VPS13D: variants seen among roughly 807,000 people sequenced by gnomAD.
The protein encoded by VPS13D is vacuolar protein sorting 13 homolog D, also known as intermembrane lipid transfer protein VPS13D.
Under a neutral mutation model 461.9 loss-of-function variants are expected in VPS13D, and 187 were observed. The observed-to-expected ratio is 0.40, with a 90% CI of 0.36 to 0.46. The LOEUF (loss-of-function observed/expected upper bound fraction) is 0.46. VPS13D is among the 20% of genes least tolerant of loss of function. VPS13D has a pLI of 0.60. For missense variants in VPS13D, 4,711 were observed against 5,364.9 expected (o/e 0.88, Z 3.81); for synonymous variants, 1,951 against 1,986.3 (o/e 0.98, Z 0.47).
At chr1:12,365,739 T>C (rs1485282863) in intron 52 of VPS13D, among the ~76,000 whole-genome samples, 1 of 152,104 alleles carries the variant, frequency 6.6e-6, no homozygotes, top group African/African-American at 2.4e-5. Context: ...TCAAATGCTT[T>C]TGAAGTTAAA....
intron 67 of VPS13D, among the ~76,000 whole-genome samples, chr1:12,470,184 T>A (rs1425653992): frequency 1.3e-5 from 2 of 152,200 alleles, no homozygotes; most frequent in Non-Finnish European, 2.9e-5. Flanking sequence ...GCAGGAGACT[T>A]CAAAGGGGAG....
rs762661990 is a variant in VPS13D, at chr1:12,279,493, T to C, written c.4451-6T>C. ...ATGGTCTATCATTTCATCTCTTTTA[T>C]GCCAGCTTTTCACATCCTGAACAAC... On this transcript the variant is annotated splice_polypyrimidine_tract_variant and splice_region_variant and intron_variant, in intron 19 of 69. Coordinates refer to ENST00000620676, the MANE Select transcript of VPS13D (RefSeq NM_015378.4). This position sits in a 1 kb window ranked among gnomAD's most constrained non-coding sequence, Gnocchi z 4.3. 1.9e-6 allele frequency: 3 copies of C among 1,586,342 alleles called. No individual in the cohort carries two copies. Among genetic ancestry groups the C allele is most frequent in the Non-Finnish European group, 2.6e-6 (3 of 1,161,182 alleles).
chr1:12,395,126 C>T (rs1443809893), intron 60 of VPS13D, among the ~76,000 whole-genome samples: 1 of 152,146 alleles, frequency 6.6e-6, no homozygotes, highest in Non-Finnish European at 1.5e-5. Flanking sequence ...GGAGAATCAA[C>T]ATTACTTTGC....
intron 67 of VPS13D, among the ~76,000 whole-genome samples, chr1:12,483,981 A>T (rs1252984977): frequency 1.3e-5 from 2 of 150,740 alleles, no homozygotes; most frequent in Non-Finnish European, 3.0e-5. Context: ...TGGGCAACAG[A>T]GTGGGACTCC....
chr1:12,263,042 A>G (rs1557671864), intron 13 of VPS13D, among the ~76,000 whole-genome samples: 1 of 151,340 alleles, frequency 6.6e-6, no homozygotes, highest in Admixed American at 6.6e-5. Context: ...GTTTATCATA[A>G]CTCCATCCTA....
intron 37 of VPS13D, among the ~76,000 whole-genome samples, chr1:12,330,157 G>A (rs936205373): frequency 3.9e-5 from 6 of 152,210 alleles, no homozygotes; most frequent in South Asian, 2.1e-4. Context: ...GCTCACGCCT[G>A]TAATCCCAGC....
At chr1:12,321,014 GA>G (rs1426837016) in intron 32 of VPS13D, among the ~76,000 whole-genome samples, 1 of 152,208 alleles carries the variant, frequency 6.6e-6, no homozygotes, top group Non-Finnish European at 1.5e-5. Context: ...AGGGGGTGAA[GA>G]GGGTAAGAAG....
Position 12,244,332 on chromosome 1 carries a change from A to G in VPS13D, c.262A>G (p.Ile88Val). ...GATCTCCATCTCCAGCCTTCACTTA[A>G]TTGGAGCCCCAGAGAAAATACAGGA... ...WVISISSLHL[I>V]GAPEKIQDFN... The change falls in exon 4 of 70, where the codon ATT (isoleucine) becomes GTT (valine). Residue 88 changes from isoleucine (I) to valine (V), a missense_variant. Ile to Val is a conservative substitution (Grantham distance 29). Around this residue, in one of 3 missense-constraint regions of VPS13D, gnomAD observed 4,411 missense variants for 4,937.8 expected, o/e 0.89. Transcript: ENST00000620676. The G allele has an allele frequency of 3.1e-6, 5 of 1,614,172 alleles. No individual in the cohort carries two copies. Among genetic ancestry groups the G allele is most frequent in the Non-Finnish European group, 4.2e-6 (5 of 1,180,026 alleles).
intron 67 of VPS13D, among the ~76,000 whole-genome samples, chr1:12,478,313 C>G (rs1010815535): frequency 2.6e-5 from 4 of 152,240 alleles, no homozygotes; most frequent in Non-Finnish European, 5.9e-5. Context: ...GGGTTCTGCT[C>G]CATAAATTTA....
chr1:12,244,000 A>T (rs144983809), intron 3 of VPS13D, among the ~76,000 whole-genome samples: 1 of 152,324 alleles, frequency 6.6e-6, no homozygotes, highest in African/African-American at 2.4e-5. Context: ...GAGGGATGTT[A>T]CTGTTGATGT....
At chr1:12,422,722 C>T (rs1309124371) in intron 65 of VPS13D, among the ~76,000 whole-genome samples, 1 of 152,032 alleles carries the variant, frequency 6.6e-6, no homozygotes, top group African/African-American at 2.4e-5. Flanking sequence ...TATACATTGT[C>T]TTCTGTATGT....
intron 53 of VPS13D, 24 bp from the exon 54 acceptor site, chr1:12,369,441 CTT>C: frequency 6.2e-7 from 1 of 1,610,454 alleles, no homozygotes; most frequent in South Asian, 1.1e-5. Flanking sequence ...TGAAAGTCCT[CTT>C]TGTCCTCTCT....
chr1:12,375,359 A>G (rs963131138), intron 55 of VPS13D, among the ~76,000 whole-genome samples: 3 of 152,152 alleles, frequency 2.0e-5, no homozygotes, highest in Non-Finnish European at 2.9e-5. Context: ...ATGCACAAAT[A>G]TACATATGTG....
rs770431419 is a variant in VPS13D, at chr1:12,329,823, T to C, written c.8198-6T>C. ...GCCGCTGCAGTAAGGTTTGCTTTCA[T>C]TGCAGGTCTGAATTTTCTTCAGCGT... On this transcript the variant is annotated splice_polypyrimidine_tract_variant and splice_region_variant and intron_variant, in intron 36 of 69. Coordinates refer to ENST00000620676, the MANE Select transcript of VPS13D (RefSeq NM_015378.4). The C allele has an allele frequency of 9.9e-6, 16 of 1,613,866 alleles. No individual in the cohort carries two copies. In the South Asian group the frequency reaches 1.6e-4, roughly 17 times the overall value.
At chr1:12,449,943 G>A (rs142072153) in intron 65 of VPS13D, among the ~76,000 whole-genome samples, 147 of 152,216 alleles carry the variant, frequency 9.7e-4, no homozygotes, top group African/African-American at 3.3e-3. Flanking sequence ...TGGCCAACAC[G>A]GTGAGACCCT....
At chr1:12,436,540 A>G (rs1182919571) in intron 65 of VPS13D, among the ~76,000 whole-genome samples, 3 of 152,146 alleles carry the variant, frequency 2.0e-5, no homozygotes, top group Non-Finnish European at 4.4e-5. Context: ...CCCACCCACC[A>G]CGTGAATTTA....
In VPS13D at chr1:12,277,925, G is replaced by A. The variant is rs1396103679; in HGVS notation, c.4337G>A (p.Gly1446Glu). 10 of 1,614,170 alleles carry A rather than the reference G, an allele frequency of 6.2e-6. No homozygotes were observed. Among genetic ancestry groups the A allele is most frequent in the Non-Finnish European group, 6.8e-6 (8 of 1,180,022 alleles). ...CTQLAGREAV[G>E]SEGSRMFCPP... ...CAGTTGGCAGGTAGAGAAGCTGTTGGGTCTGAAGGAAGCCGGATGTTTTGC... is the reference window on the plus strand; with the variant it reads ...CAGTTGGCAGGTAGAGAAGCTGTTGAGTCTGAAGGAAGCCGGATGTTTTGC... Residue 1446 changes from glycine (G) to glutamate (E), a missense_variant, in exon 19 of 70, where the codon GGG becomes GAG. Physicochemically the swap from Gly to Glu is moderately conservative, Grantham distance 98. Around this residue, in one of 3 missense-constraint regions of VPS13D, gnomAD observed 4,411 missense variants for 4,937.8 expected, o/e 0.89. Transcript: ENST00000620676.
chr1:12,436,359 A>G (rs2100323056), intron 65 of VPS13D, among the ~76,000 whole-genome samples: 1 of 152,290 alleles, frequency 6.6e-6, no homozygotes. Flanking sequence ...ACAGGTGGGG[A>G]CAAGAAGAGG....
intron 67 of VPS13D, among the ~76,000 whole-genome samples, chr1:12,465,620 T>C (rs1645472069): frequency 6.6e-6 from 1 of 152,250 alleles, no homozygotes. Flanking sequence ...GTGGGCATAT[T>C]TGACTTTTTC....
Sources: gnomAD v4.1 joint callset for allele counts (sites outside exome capture counted in the v4.1 genomes callset) on GRCh38, gnomAD v4.1.1 for gene constraint, gnomAD v4.1.1 regional missense constraint, Gnocchi (gnomAD v3.1) non-coding constraint, MANE v1.5 for transcripts, NCBI Gene and HGNC (gene_info 2026-07-23, HGNC 2026-07-21) for gene names.